PTTG1IP2: variants seen among roughly 807,000 people sequenced by gnomAD.
The protein encoded by PTTG1IP2 is PTTG1IP family member 2.
chr7:90,474,895 T>C (rs1797729127), intron 1 of PTTG1IP2, among the ~76,000 whole-genome samples: 1 of 152,290 alleles, frequency 6.6e-6, no homozygotes, highest in East Asian at 1.9e-4. Flanking sequence ...ATTTCTCTTA[T>C]AGAAAATGGC....
chr7:90,477,516 C>T (rs1797761624), intron 1 of PTTG1IP2, among the ~76,000 whole-genome samples: 1 of 152,162 alleles, frequency 6.6e-6, no homozygotes, highest in Non-Finnish European at 1.5e-5. Flanking sequence ...AGGAGAAAAG[C>T]ATCAGACAAA....
intron 6 of PTTG1IP2, among the ~76,000 whole-genome samples, chr7:90,498,490 A>C (rs1480152787): frequency 6.6e-6 from 1 of 152,168 alleles, no homozygotes; most frequent in East Asian, 1.9e-4. Flanking sequence ...ATTCAACACA[A>C]ATTGAAACCA....
intron 6 of PTTG1IP2, among the ~76,000 whole-genome samples, chr7:90,501,515 A>T (rs1418619962): frequency 1.3e-5 from 2 of 152,136 alleles, no homozygotes; most frequent in East Asian, 1.9e-4. Flanking sequence ...AGAAACATTT[A>T]AAAAATTAGC....
At chr7:90,482,621 C>T (rs768138844) in intron 2 of PTTG1IP2, among the ~76,000 whole-genome samples, 60 of 151,796 alleles carry the variant, frequency 4.0e-4, no homozygotes, top group Non-Finnish European at 7.1e-4. Flanking sequence ...GGAGAAGCAT[C>T]TTGTAATCTG....
chr7:90,503,118 C>T (rs573874680), intron 6 of PTTG1IP2, among the ~76,000 whole-genome samples: 17 of 152,332 alleles, frequency 1.1e-4, no homozygotes, highest in Admixed American at 7.2e-4. Flanking sequence ...CCTGCTGCTT[C>T]GCCTTGCACT....
At chr7:90,481,686 T>C (rs549186927) in intron 2 of PTTG1IP2, among the ~76,000 whole-genome samples, 1 of 152,278 alleles carries the variant, frequency 6.6e-6, no homozygotes, top group African/African-American at 2.4e-5. Flanking sequence ...TTCCCCTATA[T>C]TTCTCTTTTG....
At chr7:90,486,666 G>A (rs181945500) in intron 2 of PTTG1IP2, among the ~76,000 whole-genome samples, 167 of 152,200 alleles carry the variant, frequency 1.1e-3, no homozygotes, top group African/African-American at 3.9e-3. Context: ...TGTAACAGAG[G>A]AGCAATCCCA....
At chr7:90,493,674 C>G (rs1013042454) in intron 5 of PTTG1IP2, among the ~76,000 whole-genome samples, 2 of 152,050 alleles carry the variant, frequency 1.3e-5, no homozygotes, top group African/African-American at 2.4e-5. Context: ...TGAGAGAGCC[C>G]AATGGGAATG....
chr7:90,481,685 A>G (rs1333342936), intron 2 of PTTG1IP2, among the ~76,000 whole-genome samples: 1 of 151,792 alleles, frequency 6.6e-6, no homozygotes. Flanking sequence ...CTTCCCCTAT[A>G]TTTCTCTTTT....
At chr7:90,477,639 G>A (rs1033963865) in intron 1 of PTTG1IP2, among the ~76,000 whole-genome samples, 3 of 152,158 alleles carry the variant, frequency 2.0e-5, no homozygotes, top group African/African-American at 7.2e-5. Flanking sequence ...CAGACCAGAG[G>A]AGACATGATG....
At chr7:90,502,200 A>G (rs956457427) in intron 6 of PTTG1IP2, among the ~76,000 whole-genome samples, 31 of 152,324 alleles carry the variant, frequency 2.0e-4, no homozygotes, top group African/African-American at 7.5e-4. Flanking sequence ...GACTTCTTCC[A>G]GTGAAGTCCT....
chr7:90,510,998 T>G (rs567626705), intron 6 of PTTG1IP2, among the ~76,000 whole-genome samples: 2 of 152,364 alleles, frequency 1.3e-5, no homozygotes, highest in Admixed American at 1.3e-4. Context: ...TTTGTATTTC[T>G]TCTCTTTACT....
At chr7:90,511,702 C>T (rs1798192046) in intron 6 of PTTG1IP2, among the ~76,000 whole-genome samples, 1 of 152,176 alleles carries the variant, frequency 6.6e-6, no homozygotes, top group South Asian at 2.1e-4. Context: ...TTCCCTCTCT[C>T]CTCATACTCA....
rs1277063835 is a variant in PTTG1IP2 at position 90,487,403 on chromosome 7, A to G, written c.269A>G (p.Tyr90Cys). 1 of 152,616 alleles carries G rather than the reference A, an allele frequency of 6.6e-6. No individual in the cohort carries two copies. Among genetic ancestry groups the G allele is most frequent in the East Asian group, 1.9e-4 (1 of 5,202 alleles). The allele number at this position is 152,616 out of a possible 1,614,324, so 9.5% of individuals were successfully genotyped here. ...TTCGGTTGTCGATTCAGTTCTATAT[A>G]TTGGTTAAACTGTAAAGGTGAGTTG... is the stretch of plus-strand genomic sequence containing the variant. Reference protein sequence around the residue: ...PYFGCRFSSIYWLNCKVDMFG... With the variant: ...PYFGCRFSSICWLNCKVDMFG... Residue 90 changes from tyrosine to cysteine, a missense_variant, in exon 3 of 7, where the codon TAT (tyrosine) becomes TGT (cysteine). Physicochemically the swap from Tyr to Cys is radical, Grantham distance 194. Transcript: ENST00000509356.
intron 6 of PTTG1IP2, among the ~76,000 whole-genome samples, chr7:90,502,421 T>A (rs1798070275): frequency 6.6e-6 from 1 of 152,244 alleles, no homozygotes; most frequent in Non-Finnish European, 1.5e-5. Flanking sequence ...ATCATGAATG[T>A]CTTTAATGGC....
At chr7:90,508,587 A>G (rs1049824122) in intron 6 of PTTG1IP2, among the ~76,000 whole-genome samples, 6 of 152,222 alleles carry the variant, frequency 3.9e-5, no homozygotes, top group Non-Finnish European at 4.4e-5. Flanking sequence ...CTTACAGTAT[A>G]AGGAACAGGT....
intron 6 of PTTG1IP2, among the ~76,000 whole-genome samples, chr7:90,497,733 AAAAAAAAAAAAG>A (rs1584698227): frequency 6.8e-6 from 1 of 146,970 alleles, no homozygotes; most frequent in African/African-American, 2.5e-5. Flanking sequence ...AAAAAAAAAA[AAAAAAAAAAAAG>A]AAGAAGAAGA....
intron 6 of PTTG1IP2, among the ~76,000 whole-genome samples, chr7:90,496,295 C>T (rs953661842): frequency 1.3e-5 from 2 of 152,036 alleles, no homozygotes; most frequent in African/African-American, 4.8e-5. Flanking sequence ...TTATGGGAGA[C>T]CATTTATTAC....
intron 6 of PTTG1IP2, among the ~76,000 whole-genome samples, chr7:90,509,837 A>G (rs922924987): frequency 6.6e-6 from 1 of 152,346 alleles, no homozygotes; most frequent in Admixed American, 6.5e-5. Flanking sequence ...TGCAGAGTGC[A>G]AGCAAACATT....
Sources: gnomAD v4.1 joint callset for allele counts (sites outside exome capture counted in the v4.1 genomes callset) on GRCh38, gnomAD v4.1.1 for gene constraint, MANE v1.5 for transcripts, NCBI Gene and HGNC (gene_info 2026-07-23, HGNC 2026-07-21) for gene names.